The following TMEM114 variants were observed in gnomAD, a reference collection of about 807,000 sequenced individuals.
TMEM114 encodes claudin-26.
In TMEM114, 6 loss-of-function variants were observed where a neutral mutation model predicts 6.2. The observed-to-expected ratio is 0.97, with a 90% CI of 0.53 to 1.91. The LOEUF (loss-of-function observed/expected upper bound fraction) is 1.91, where lower values mean the gene tolerates loss of function less well. Ranked by LOEUF, TMEM114 falls within the 40% of genes most tolerant of loss-of-function variation. TMEM114 has a pLI of 0.01. For synonymous variants in TMEM114, 104 were observed against 73.0 expected (o/e 1.42, Z -2.16); for missense variants, 218 against 158.3 (o/e 1.38, Z -2.02).
chr16:8,580,495 TAAA>T (rs560742507), intron 2 of TMEM114, among the ~76,000 whole-genome samples: 7 of 98,234 alleles, frequency 7.1e-5, no homozygotes, highest in Non-Finnish European at 8.8e-5. Flanking sequence ...TCAAAAGAGG[TAAA>T]AAAAAAAAAA....
At chr16:8,558,610 G>A (rs1901092588) in intron 2 of TMEM114, among the ~76,000 whole-genome samples, 1 of 152,038 alleles carries the variant, frequency 6.6e-6, no homozygotes, top group South Asian at 2.1e-4. Context: ...TCTTTTTGGG[G>A]CACATGCTTG....
chr16:8,535,701 A>T (rs1276867554), downstream of TMEM114, among the ~76,000 whole-genome samples: 1 of 152,186 alleles, frequency 6.6e-6, no homozygotes, highest in East Asian at 1.9e-4. Flanking sequence ...TGGGAACGTC[A>T]CCTGCAAATT....
rs115174711 is a variant in TMEM114, at chr16:8,540,401, A to G, written n.213-2575T>C. On this transcript the variant is annotated intron_variant and non_coding_transcript_variant, in intron 2 of 2. Coordinates refer to the TMEM114 transcript ENST00000623677. ...CAACCTCAGTTTCCTCAACTGTGAA[A>G]TAAGAGTGATGATGATTGCATTGAA... 2.1e-3 allele frequency among the ~76,000 whole-genome samples: 318 copies of G among 152,310 alleles called. 2 individuals carry two copies. The highest frequency in any genetic ancestry group is 7.5e-3 in the African/African-American group (310 of 41,562).
At chr16:8,567,115 G>A (rs1029281364), downstream of TMEM114, among the ~76,000 whole-genome samples, 3 of 151,004 alleles carry the variant, frequency 2.0e-5, no homozygotes, top group Admixed American at 2.0e-4. Flanking sequence ...CACCATGTTG[G>A]CCAGGCTAGT....
chr16:8,561,695 G>A (rs1490526413), intron 2 of TMEM114, among the ~76,000 whole-genome samples: 1 of 152,190 alleles, frequency 6.6e-6, no homozygotes, highest in Non-Finnish European at 1.5e-5. Context: ...GTGAGCGAGT[G>A]AATAAATGAA....
rs1054015695 is a variant in TMEM114, at chr16:8,590,070, C to A, written c.-232G>T. 710 of 373,812 alleles carry A rather than the reference C, an allele frequency of 1.9e-3. 2 individuals are homozygous for A. Among genetic ancestry groups the A allele is most frequent in the Non-Finnish European group, 2.9e-3 (618 of 210,822 alleles). The allele number at this position is 373,812 out of a possible 1,614,324, so 23.2% of individuals were successfully genotyped here. A position where few individuals can be genotyped will look rare whatever the true frequency, so the allele number is the denominator to read the frequency against. ...CCCCGCTCAGCCGCCGTCCACGTTC[C>A]CACCCCTCCAATGCCAGCTCTACCT... On this transcript the variant is annotated 5_prime_UTR_variant, in exon 1 of 4. Coordinates refer to ENST00000620492, the MANE Select transcript of TMEM114 (RefSeq NM_001146336.2).
At chr16:8,551,649 A>T (rs564293194) in intron 2 of TMEM114, among the ~76,000 whole-genome samples, 8 of 152,374 alleles carry the variant, frequency 5.3e-5, no homozygotes, top group African/African-American at 1.9e-4. Context: ...TCTGTGAGGC[A>T]GGACAAAAAT....
intron 2 of TMEM114, among the ~76,000 whole-genome samples, chr16:8,560,953 G>C (rs570942258): frequency 2.6e-5 from 4 of 152,210 alleles, no homozygotes; most frequent in African/African-American, 9.7e-5. Context: ...GAAGGCAAAA[G>C]ACACGTCTTA....
At chr16:8,540,867 A>C (rs1900496599) in intron 2 of TMEM114, among the ~76,000 whole-genome samples, 1 of 152,232 alleles carries the variant, frequency 6.6e-6, no homozygotes, top group South Asian at 2.1e-4. Context: ...TGATCTAATG[A>C]GAGGTATCAG....
At chr16:8,567,543 C>T (rs980180695), downstream of TMEM114, among the ~76,000 whole-genome samples, 13 of 152,154 alleles carry the variant, frequency 8.5e-5, no homozygotes, top group Non-Finnish European at 1.9e-4. Flanking sequence ...ACGTGTGGGA[C>T]CAGATGTCCT....
At chr16:8,536,028 C>G (rs1211308550), downstream of TMEM114, among the ~76,000 whole-genome samples, 1 of 152,086 alleles carries the variant, frequency 6.6e-6, no homozygotes, top group Non-Finnish European at 1.5e-5. Context: ...GAGTTGGAGA[C>G]CAGCCTGTCC....
the TMEM114 span, chr16:8,526,586 T>A: frequency 6.6e-6 from 1 of 151,430 alleles, no homozygotes; most frequent in African/African-American, 2.4e-5. Flanking sequence ...TGTATCGCGA[T>A]CAAGATGAGA....
chr16:8,547,858 C>A (rs932255684), intron 2 of TMEM114, among the ~76,000 whole-genome samples: 1 of 152,142 alleles, frequency 6.6e-6, no homozygotes, highest in African/African-American at 2.4e-5. Context: ...AAGTTCACAG[C>A]TGAGAAACCC....
At chr16:8,563,677 ATGAGTAAGTGAATGAG>A (rs1901380972) in intron 2 of TMEM114, among the ~76,000 whole-genome samples, 3 of 134,996 alleles carry the variant, frequency 2.2e-5, no homozygotes, top group East Asian at 2.1e-4. Flanking sequence ...AAGTAAGTGA[ATGAGTAAGTGAATGAG>A]TGAGTTAGTG....
intron 2 of TMEM114, among the ~76,000 whole-genome samples, chr16:8,557,133 A>G (rs981644743): frequency 2.0e-5 from 3 of 152,182 alleles, no homozygotes; most frequent in African/African-American, 7.2e-5. Flanking sequence ...CCTTGTTAGA[A>G]TATGACCTTG....
intron 2 of TMEM114, among the ~76,000 whole-genome samples, chr16:8,585,134 C>G (rs1308036751): frequency 6.6e-6 from 1 of 152,030 alleles, no homozygotes; most frequent in Non-Finnish European, 1.5e-5. Context: ...AGGGGAACCC[C>G]CTTTATAAAA....
the TMEM114 span, among the ~76,000 whole-genome samples, chr16:8,526,972 C>A: frequency 2.0e-5 from 3 of 152,202 alleles, no homozygotes; most frequent in Admixed American, 1.3e-4. Flanking sequence ...CTTTTGGAGG[C>A]CAAGACAGGT....
chr16:8,564,224 A>C (rs1332635342), intron 2 of TMEM114, among the ~76,000 whole-genome samples: 22 of 36,244 alleles, frequency 6.1e-4, no homozygotes, highest in East Asian at 1.0e-3. Context: ...TGAGTTAGTG[A>C]ATGAGTGAGT....
chr16:8,588,297 A>C (rs1902377974), intron 2 of TMEM114, among the ~76,000 whole-genome samples: 1 of 151,994 alleles, frequency 6.6e-6, no homozygotes, highest in African/African-American at 2.4e-5. Flanking sequence ...AAAAAAAAAA[A>C]AAAAACCTGC....
Sources: gnomAD v4.1 joint callset for allele counts (sites outside exome capture counted in the v4.1 genomes callset) on GRCh38, gnomAD v4.1.1 for gene constraint, MANE v1.5 for transcripts, NCBI Gene and HGNC (gene_info 2026-07-23, HGNC 2026-07-21) for gene names.